The following ATXN1 variants were observed in gnomAD, a reference collection of about 807,000 sequenced individuals.
The protein encoded by ATXN1 is ataxin 1.
ATXN1 carries 8 observed loss-of-function variants against 56.4 expected under a neutral mutation model. That is an observed-to-expected ratio of 0.14 (90% confidence interval 0.08 to 0.26). ATXN1 has a LOEUF of 0.26. Ranked by LOEUF, ATXN1 falls within the 10% of genes least tolerant of loss-of-function variation. ATXN1 has a pLI of 1.00. For missense variants in ATXN1, 987 were observed against 1,106.5 expected, an observed-to-expected ratio of 0.89 and a Z score of 1.53; for synonymous variants, 514 against 494.6, an observed-to-expected ratio of 1.04 and a Z score of -0.52.
At chr6:16,511,691 C>T (rs1056034925) in intron 5 of ATXN1, among the ~76,000 whole-genome samples, 7 of 152,298 alleles carry the variant, frequency 4.6e-5, no homozygotes, top group African/African-American at 1.7e-4. Context: ...CAAGACCAGC[C>T]ATGTCTCCAA....
At chr6:16,405,329 G>A (rs1248142910) in intron 6 of ATXN1, among the ~76,000 whole-genome samples, 1 of 152,188 alleles carries the variant, frequency 6.6e-6, no homozygotes, top group Non-Finnish European at 1.5e-5. Flanking sequence ...ACTACGTAGT[G>A]AGAGTTAGGA....
chr6:16,729,181 G>C (rs1370107589), intron 2 of ATXN1, among the ~76,000 whole-genome samples: 6 of 152,178 alleles, frequency 3.9e-5, no homozygotes. Context: ...GCAGAACCAG[G>C]ATTAAAAATT....
At chr6:16,643,940 C>A (rs189045782) in intron 3 of ATXN1, among the ~76,000 whole-genome samples, 106 of 152,156 alleles carry the variant, frequency 7.0e-4, no homozygotes, top group Non-Finnish European at 1.2e-3. Flanking sequence ...ATAACAAATA[C>A]TTTGGAAAAG....
At chr6:16,350,257 A>G (rs1162420678) in intron 6 of ATXN1, among the ~76,000 whole-genome samples, 1 of 152,230 alleles carries the variant, frequency 6.6e-6, no homozygotes, top group East Asian at 1.9e-4. Context: ...CCTCATCTGG[A>G]ATATGTGAAT....
chr6:16,675,051 A>C (rs2113388689), intron 2 of ATXN1, among the ~76,000 whole-genome samples: 1 of 152,344 alleles, frequency 6.6e-6, no homozygotes, highest in East Asian at 1.9e-4. Context: ...TGGATGTGAA[A>C]TTCAGAGGCA....
Position 16,362,997 on chromosome 6 carries a change from A to G in ATXN1, c.-160-34527T>C, listed in dbSNP as rs1317813577. ...AATGAGGTGCTTCACAGACACAAAT[A>G]TACAGCGATATAATCTATATGTATG... On this transcript the variant is annotated intron_variant, in intron 6 of 7. Transcript: ENST00000436367. Among the ~76,000 whole-genome samples the G allele has an allele frequency of 2.0e-5, 3 of 152,230 alleles. No individual in the cohort carries two copies. The East Asian group carries it at 5.8e-4, about 29-fold the overall frequency.
chr6:16,699,285 C>T (rs1025172482), intron 2 of ATXN1, among the ~76,000 whole-genome samples: 1 of 152,184 alleles, frequency 6.6e-6, no homozygotes, highest in Non-Finnish European at 1.5e-5. Flanking sequence ...ATCTCAAGCT[C>T]GTCATAGAAT....
intron 2 of ATXN1, among the ~76,000 whole-genome samples, chr6:16,720,244 C>A (rs1483623548): frequency 6.6e-6 from 1 of 152,168 alleles, no homozygotes; most frequent in African/African-American, 2.4e-5. Flanking sequence ...CCTGACTCCA[C>A]CAAACAAAAG....
At chr6:16,451,602 A>T (rs1759754287) in intron 6 of ATXN1, among the ~76,000 whole-genome samples, 1 of 152,150 alleles carries the variant, frequency 6.6e-6, no homozygotes, top group Non-Finnish European at 1.5e-5. Context: ...CTAAAAATGT[A>T]AAATTAGCCG....
chr6:16,759,505 A>G (rs1178280016), intron 1 of ATXN1, among the ~76,000 whole-genome samples: 1 of 116,144 alleles, frequency 8.6e-6, no homozygotes, highest in Non-Finnish European at 1.7e-5. Flanking sequence ...CACATCGCGC[A>G]TTATATAACC....
At chr6:16,381,156 G>A (rs945748499) in intron 6 of ATXN1, among the ~76,000 whole-genome samples, 7 of 152,126 alleles carry the variant, frequency 4.6e-5, no homozygotes, top group African/African-American at 9.7e-5. Context: ...GCGTGGTGGC[G>A]GGCGCCTATA....
At chr6:16,755,249 G>A (rs958450129) in intron 1 of ATXN1, among the ~76,000 whole-genome samples, 4 of 152,188 alleles carry the variant, frequency 2.6e-5, no homozygotes, top group African/African-American at 9.6e-5. Flanking sequence ...TGCTGCACTA[G>A]TTAGGATAAT....
At chr6:16,700,011 CT>C in intron 2 of ATXN1, among the ~76,000 whole-genome samples, 1 of 152,282 alleles carries the variant, frequency 6.6e-6, no homozygotes, top group Non-Finnish European at 1.5e-5. Context: ...AAAAGAAAAG[CT>C]ATTCCAAGTC....
intron 1 of ATXN1, among the ~76,000 whole-genome samples, chr6:16,756,180 G>C (rs1760881141): frequency 6.6e-6 from 1 of 151,860 alleles, no homozygotes. Flanking sequence ...CTTTCCATAA[G>C]ATTTGTCTAA....
At chr6:16,472,138 A>G (rs915625429) in intron 6 of ATXN1, among the ~76,000 whole-genome samples, 3 of 152,196 alleles carry the variant, frequency 2.0e-5, no homozygotes, top group African/African-American at 7.2e-5. Flanking sequence ...CAGTGAAATA[A>G]CACGCAGGTG....
intron 3 of ATXN1, among the ~76,000 whole-genome samples, chr6:16,638,061 A>AT (rs1445256488): frequency 5.9e-5 from 9 of 152,178 alleles, no homozygotes; most frequent in African/African-American, 1.9e-4. Flanking sequence ...CATATTCATA[A>AT]TCAGGGGTGG....
At chr6:16,752,807 C>G (rs972630884) in intron 2 of ATXN1, among the ~76,000 whole-genome samples, 1 of 152,192 alleles carries the variant, frequency 6.6e-6, no homozygotes, top group Non-Finnish European at 1.5e-5. Flanking sequence ...CAAGATTCAA[C>G]AAATACTGGT....
rs1181782426 is a variant in ATXN1 at position 16,356,412 on chromosome 6, G to C, written c.-160-27942C>G. ...ATGGAACAGGGCTGTATTTAATTCTGAATATAATCTCTTTGCTGTTGGCAA... is the reference window on the plus strand; with the variant it reads ...ATGGAACAGGGCTGTATTTAATTCTCAATATAATCTCTTTGCTGTTGGCAA... On this transcript the variant is annotated intron_variant, in intron 6 of 7. Coordinates refer to ENST00000436367, the MANE Select transcript of ATXN1 (RefSeq NM_001128164.2). Among the ~76,000 whole-genome samples, 3 of 152,166 alleles carry C rather than the reference G, an allele frequency of 2.0e-5. No homozygotes were observed. The East Asian group carries it at 5.8e-4, about 29-fold the overall frequency.
Position 16,543,728 on chromosome 6 carries a change from T to C in ATXN1, c.-360-21040A>G, listed in dbSNP as rs75381541. Among the ~76,000 whole-genome samples the C allele has an allele frequency of 5.1e-3, 772 of 152,134 alleles. 15 individuals are homozygous for C. Among genetic ancestry groups the C allele is most frequent in the East Asian group, 0.043 (220 of 5,170 alleles). On this transcript the variant is annotated intron_variant, in intron 4 of 7. Coordinates refer to ENST00000436367, the MANE Select transcript of ATXN1 (RefSeq NM_001128164.2). ...TTTCAAGCATTACTACTTGATGCTT[T>C]TAGAGCTTCATGCTTGAGTTAAAGG...
Sources: gnomAD v4.1 joint callset for allele counts (sites outside exome capture counted in the v4.1 genomes callset) on GRCh38, gnomAD v4.1.1 for gene constraint, MANE v1.5 for transcripts, NCBI Gene and HGNC (gene_info 2026-07-23, HGNC 2026-07-21) for gene names.